The following DCHS1 variants were observed in gnomAD, a reference collection of about 807,000 sequenced individuals.
DCHS1 encodes dachsous cadherin-related 1.
DCHS1 carries 78 observed loss-of-function variants against 213.9 expected under a neutral mutation model. That is an observed-to-expected ratio of 0.36 (90% CI 0.30 to 0.44). The LOEUF is 0.44. Among genes scored for constraint, DCHS1 ranks in the 20% least tolerant of loss-of-function variants. The probability of loss-of-function intolerance (pLI) is 1.00; values close to 1 mark genes in which losing one functional copy is unlikely to be tolerated. For synonymous variants in DCHS1, 1,828 were observed against 1,873.7 expected (o/e 0.98, Z 0.63); for missense variants, 3,946 against 4,395.9 (o/e 0.90, Z 2.89).
At position 6,622,541 on chromosome 11, in the gene DCHS1, G is replaced by GAGATC; in HGVS notation, c.9134_9135insGATCT (p.Met3046IlefsTer3). The GAGATC allele has an allele frequency of 6.3e-7, 1 of 1,581,338 alleles. No individual in the cohort carries two copies. Among genetic ancestry groups the GAGATC allele is most frequent in the Non-Finnish European group, 8.6e-7 (1 of 1,164,364 alleles). ...CCACACGGGGGAACTCATTGATCAT[G>GAGATC]CGGATCTCATCATCCTCTGCAGCCT... is the stretch of plus-strand genomic sequence containing the variant. On this transcript the variant is annotated frameshift_variant, in exon 21 of 21. Transcript: ENST00000299441. LOFTEE classifies it high-confidence loss of function. This position sits in a 1 kb window ranked among gnomAD's most constrained non-coding sequence, Gnocchi z 5.4.
chr11:6,626,356 T>A lies in DCHS1; in HGVS notation c.6389A>T (p.Glu2130Val). ...STGAITVRSA[E>V]GLDFEVSPRL... is the part of the protein sequence containing the mutation. The stretch of plus-strand genomic sequence containing the variant: ...TGGACTCACCTCGAAGTCTAGCCCC[T>A]CTGCTGAGCGAACTGTGATGGCACC... Residue 2130 changes from glutamate to valine, a missense_variant, in exon 16 of 21, where the codon GAG (glutamate) becomes GTG (valine). Glu to Val is a moderately radical substitution (Grantham distance 121). Coordinates refer to ENST00000299441, the MANE Select transcript of DCHS1 (RefSeq NM_003737.4). This position sits in a 1 kb window ranked among gnomAD's most constrained non-coding sequence, Gnocchi z 5.2. 3.1e-6 allele frequency: 5 copies of A among 1,613,506 alleles called. No homozygotes were observed. Among genetic ancestry groups the A allele is most frequent in the Non-Finnish European group, 4.2e-6 (5 of 1,179,688 alleles).
Position 6,628,514 on chromosome 11 carries a change from G to A in DCHS1, c.5371+107C>T. ...TGAAAGAAAAGGTGGACGACATCAA[G>A]AGGGAAAAGGAGACCCAGACACATG... is the stretch of plus-strand genomic sequence containing the variant. On this transcript the variant is annotated intron_variant, in intron 13 of 20. Transcript: ENST00000299441. The surrounding 1 kb of genome is among the most constrained non-coding windows in gnomAD (Gnocchi z 4.3). The A allele has an allele frequency of 2.4e-6, 3 of 1,264,406 alleles. No individual in the cohort carries two copies. In the South Asian group the frequency reaches 3.8e-5, roughly 16 times the overall value. 78.3% of individuals were successfully genotyped at this position (1,264,406 alleles called of 1,614,324 possible).
chr11:6,651,964 T>C (rs558685079), intron 1 of DCHS1, among the ~76,000 whole-genome samples: 2 of 152,108 alleles, frequency 1.3e-5, no homozygotes, highest in Admixed American at 1.3e-4. Flanking sequence ...GTCATCAGCC[T>C]ATAGATGTTA....
At position 6,629,763 on chromosome 11, in the gene DCHS1, A is replaced by G. The variant is rs778083699; in HGVS notation, c.4944T>C (p.Thr1648=). ...GGACGCTGTACTCCTGCTGCTGGAA[A>G]GTAGGCGCCTCGTCGTTGACGTCAG... ...SVADVNDEAP[T]FQQQEYSVLL... The change falls in exon 11 of 21, where the codon ACT becomes ACC. Residue 1648 remains threonine (T), a synonymous_variant. Transcript: ENST00000299441. The G allele has an allele frequency of 2.5e-6, 4 of 1,613,828 alleles. No individual in the cohort carries two copies. In the South Asian group the frequency reaches 4.4e-5, roughly 18 times the overall value.
intron 1 of DCHS1, among the ~76,000 whole-genome samples, chr11:6,647,427 A>AT: frequency 6.6e-6 from 1 of 152,318 alleles, no homozygotes; most frequent in Non-Finnish European, 1.5e-5. Context: ...GGACAGCCCC[A>AT]TAGGACAGTG....
chr11:6,639,542 T>C (rs1435241022), intron 2 of DCHS1, among the ~76,000 whole-genome samples: 2 of 152,212 alleles, frequency 1.3e-5, no homozygotes, highest in Non-Finnish European at 2.9e-5. Context: ...TTTGAGGCTT[T>C]CATTTCCTGA....
chr11:6,630,093 C>T lies in DCHS1; in HGVS notation c.4701G>A (p.Val1567=), dbSNP rs550340981. ...DQPPGPAALH[V]VARDPDLGEA... ...CGCCCAGATCCGGGTCCCGGGCTAC[C>T]ACGTGCAGGGCCGCGGGCCCAGGCG... Residue 1567 remains valine (V), a synonymous_variant, in exon 10 of 21, where the codon GTG becomes GTA. Transcript: ENST00000299441. 24 of 1,598,072 alleles carry T rather than the reference C, an allele frequency of 1.5e-5. No homozygotes were observed. The Admixed American group carries it at 2.1e-4, about 14-fold the overall frequency.
intron 1 of DCHS1, among the ~76,000 whole-genome samples, chr11:6,647,698 T>G (rs1856184167): frequency 6.6e-6 from 1 of 152,248 alleles, no homozygotes; most frequent in Non-Finnish European, 1.5e-5. Flanking sequence ...ACAATTTTCC[T>G]GAGTTAACAC....
chr11:6,629,992 C>T lies in DCHS1; in HGVS notation c.4795+7G>A, dbSNP rs926774024. The T allele has an allele frequency of 6.3e-7, 1 of 1,576,676 alleles. No homozygotes were observed. Among genetic ancestry groups the T allele is most frequent in the African/African-American group, 1.3e-5 (1 of 74,328 alleles). ...TCCTCGCCCTCACTCCCAGACCTAACTCTCACCAGTGCTTGAGTGCAGCCG... is the reference window on the plus strand; with the variant it reads ...TCCTCGCCCTCACTCCCAGACCTAATTCTCACCAGTGCTTGAGTGCAGCCG... On this transcript the variant is annotated splice_region_variant and intron_variant, in intron 10 of 20. Coordinates refer to ENST00000299441, the MANE Select transcript of DCHS1 (RefSeq NM_003737.4).
chr11:6,641,273 C>T lies in DCHS1; in HGVS notation c.341G>A (p.Arg114His), dbSNP rs200795531. ...ARVLDREQRDRYRFTAVTPDG... is the reference protein window; with the variant it reads ...ARVLDREQRDHYRFTAVTPDG... ...AGGAGTGACTGCAGTGAAGCGGTAG[C>T]GGTCCCGCTGCTCACGGTCCAAGAC... The change falls in exon 2 of 21, where the codon CGC becomes CAC. Residue 114 changes from arginine (R) to histidine (H), a missense_variant. Arg to His is a conservative substitution (Grantham distance 29). Transcript: ENST00000299441. The surrounding 1 kb of genome is among the most constrained non-coding windows in gnomAD (Gnocchi z 7.1). 17 of 1,613,724 alleles carry T rather than the reference C, an allele frequency of 1.1e-5. No homozygotes were observed. The highest frequency in any genetic ancestry group is 5.0e-5 in the Admixed American group (3 of 60,036).
rs754558119 is a variant in DCHS1 at position 6,632,702 on chromosome 11, C to T, written c.2810G>A (p.Gly937Asp). Residue 937 changes from glycine to aspartate, a missense_variant, in exon 6 of 21, where the codon GGT becomes GAT. Around this residue, in one of 3 missense-constraint regions of DCHS1, gnomAD observed 3,384 missense variants for 3,780.1 expected, o/e 0.90. Transcript: ENST00000299441. This position sits in a 1 kb window ranked among gnomAD's most constrained non-coding sequence, Gnocchi z 5.9. ...GGGGTCCACGGTGAAGGCTCCACCA[C>T]CCCCAGCAAGCAGGGTAAAGGTGAC... is the stretch of plus-strand genomic sequence containing the variant. ...SRVTFTLLAG[G>D]GGAFTVDPTT... 1 of 1,591,914 alleles carries T rather than the reference C, an allele frequency of 6.3e-7. No homozygotes were observed. Among genetic ancestry groups the T allele is most frequent in the South Asian group, 1.1e-5 (1 of 88,068 alleles).
Position 6,624,952 on chromosome 11 carries a change from G to A in DCHS1, c.7147-84C>T. ...AGCCTGTTCTGGAGCTTGGTTCCTT[G>A]TGCCCTGCTTGGCGTCTATTCCAAC... On this transcript the variant is annotated intron_variant, in intron 19 of 20. Coordinates refer to ENST00000299441, the MANE Select transcript of DCHS1 (RefSeq NM_003737.4). 3.8e-6 allele frequency: 6 copies of A among 1,571,366 alleles called. No homozygotes were observed. The South Asian group carries it at 6.9e-5, about 18-fold the overall frequency.
rs1232761256 is a variant in DCHS1, at chr11:6,621,744, G to A, written c.*35C>T. ...GTGGGGCCTGCGTTGGGGACACTGT[G>A]CGCATCCCAGGTCGGGGCCCAGCCT... On this transcript the variant is annotated 3_prime_UTR_variant, in exon 21 of 21. Coordinates refer to ENST00000299441, the MANE Select transcript of DCHS1 (RefSeq NM_003737.4). 1.3e-6 allele frequency: 2 copies of A among 1,546,716 alleles called. No individual in the cohort carries two copies. Among genetic ancestry groups the A allele is most frequent in the South Asian group, 1.2e-5 (1 of 84,240 alleles).
Position 6,626,764 on chromosome 11 carries a change from C to A in DCHS1, c.6250+25G>T. ...CCCCAGCCCATTTGGGAGTCTGAATCTGGAAGAAATGGCTGGGGACCCACC... is the reference window on the plus strand; with the variant it reads ...CCCCAGCCCATTTGGGAGTCTGAATATGGAAGAAATGGCTGGGGACCCACC... On this transcript the variant is annotated intron_variant, in intron 14 of 20. Coordinates refer to ENST00000299441, the MANE Select transcript of DCHS1 (RefSeq NM_003737.4). This position sits in a 1 kb window ranked among gnomAD's most constrained non-coding sequence, Gnocchi z 5.2. 6.2e-7 allele frequency: 1 copy of A among 1,609,224 alleles called. No homozygotes were observed. The highest frequency in any genetic ancestry group is 8.5e-7 in the Non-Finnish European group (1 of 1,177,638).
chr11:6,621,793 C>G lies in DCHS1; in HGVS notation c.9883G>C (p.Glu3295Gln), dbSNP rs773543020. 1.3e-5 allele frequency: 21 copies of G among 1,589,352 alleles called. No homozygotes were observed. In the South Asian group the frequency reaches 1.9e-4, roughly 15 times the overall value. ...ESGLEPPDDT[E>Q]LHI ...CTGGGCCACAGCTAGATGTGCAGCTCCGTGTCATCAGGTGGCTCCAGGCCA... is the reference window on the plus strand; with the variant it reads ...CTGGGCCACAGCTAGATGTGCAGCTGCGTGTCATCAGGTGGCTCCAGGCCA... The change falls in exon 21 of 21, where the codon GAG becomes CAG. Residue 3295 changes from glutamate to glutamine, a missense_variant. Coordinates refer to ENST00000299441, the MANE Select transcript of DCHS1 (RefSeq NM_003737.4).
chr11:6,632,583 G>C lies in DCHS1; in HGVS notation c.2929C>G (p.Pro977Ala). ...CGTAGTCGAAAGTGGCTGGTGCGTGGTGGGGAGCCCCCATCCCGGGCCTCC... is the reference window on the plus strand; with the variant it reads ...CGTAGTCGAAAGTGGCTGGTGCGTGCTGGGGAGCCCCCATCCCGGGCCTCC... Reference protein sequence around the residue: ...ELEARDGGSPPRTSHFRLRVV... With the variant: ...ELEARDGGSPARTSHFRLRVV... Residue 977 changes from proline to alanine, a missense_variant, in exon 6 of 21, where the codon CCA becomes GCA. Pro to Ala is a conservative substitution (Grantham distance 27). Coordinates refer to ENST00000299441, the MANE Select transcript of DCHS1 (RefSeq NM_003737.4). The surrounding 1 kb of genome is among the most constrained non-coding windows in gnomAD (Gnocchi z 5.9). 1 of 1,513,882 alleles carries C rather than the reference G, an allele frequency of 6.6e-7. No homozygotes were observed. The highest frequency in any genetic ancestry group is 8.9e-7 in the Non-Finnish European group (1 of 1,127,744). 93.8% of individuals were successfully genotyped at this position (1,513,882 alleles called of 1,614,324 possible).
rs142380882 is a variant in DCHS1 at position 6,625,749 on chromosome 11, C to T, written c.6732-22G>A. 5 of 1,598,390 alleles carry T rather than the reference C, an allele frequency of 3.1e-6. No homozygotes were observed. Among genetic ancestry groups the T allele is most frequent in the East Asian group, 2.2e-5 (1 of 44,644 alleles). ...CAACCTGGACACAAAGCACAATCATCGGGTGGGACATGGCAATAAGGGGGA... is the reference window on the plus strand; with the variant it reads ...CAACCTGGACACAAAGCACAATCATTGGGTGGGACATGGCAATAAGGGGGA... On this transcript the variant is annotated intron_variant, in intron 17 of 20. Coordinates refer to ENST00000299441, the MANE Select transcript of DCHS1 (RefSeq NM_003737.4). This position sits in a 1 kb window ranked among gnomAD's most constrained non-coding sequence, Gnocchi z 5.3.
In DCHS1 at chr11:6,640,260, G is replaced by A; in HGVS notation, c.1354C>T (p.Leu452=). The change falls in exon 2 of 21, where the codon CTG becomes TTG. Residue 452 remains leucine (L), a synonymous_variant. Coordinates refer to ENST00000299441, the MANE Select transcript of DCHS1 (RefSeq NM_003737.4). This position sits in a 1 kb window ranked among gnomAD's most constrained non-coding sequence, Gnocchi z 6.5. ...VTATDSGSPP[L]RAEAAFVLHV... ...AGCACAAAGGCAGCCTCAGCCCGCA[G>A]TGGAGGTGAGCCTGAGTCTGTGGCT... 3.1e-6 allele frequency: 5 copies of A among 1,610,576 alleles called. No homozygotes were observed. The highest frequency in any genetic ancestry group is 4.2e-6 in the Non-Finnish European group (5 of 1,178,374).
Position 6,624,772 on chromosome 11 carries a change from G to A in DCHS1, c.7243C>T (p.Leu2415=). Residue 2415 remains leucine, a synonymous_variant, in exon 20 of 21, where the codon CTG becomes TTG. Transcript: ENST00000299441. ...CTGAAGCCATCGGCAGGGGAAGCCA[G>A]GTGGTAGGAAATGTGACCGTTGGCA... ...SGANGHISYH[L]ASPADGFSVD... 6.2e-7 allele frequency: 1 copy of A among 1,613,926 alleles called. No homozygotes were observed. Among genetic ancestry groups the A allele is most frequent in the Non-Finnish European group, 8.5e-7 (1 of 1,179,846 alleles).
Sources: gnomAD v4.1 joint callset for allele counts (sites outside exome capture counted in the v4.1 genomes callset) on GRCh38, gnomAD v4.1.1 for gene constraint, gnomAD v4.1.1 regional missense constraint, Gnocchi (gnomAD v3.1) non-coding constraint, MANE v1.5 for transcripts, NCBI Gene and HGNC (gene_info 2026-07-23, HGNC 2026-07-21) for gene names.